Variants in ADAMTSL3 observed in about 807,000 individuals in gnomAD.
ADAMTSL3 encodes ADAMTS-like protein 3.
In ADAMTSL3, 128 loss-of-function variants were observed where a neutral mutation model predicts 201.7. That is an observed-to-expected ratio of 0.63 (90% CI 0.55 to 0.73). The LOEUF (loss-of-function observed/expected upper bound fraction) is 0.73, where lower values mean the gene tolerates loss of function less well. Ranked by LOEUF, ADAMTSL3 falls within the 30% of genes least tolerant of loss-of-function variation. The probability of loss-of-function intolerance (pLI) is 0.00; values close to 1 mark genes in which losing one functional copy is unlikely to be tolerated. For missense variants in ADAMTSL3, 1,990 were observed against 2,119.6 expected (o/e 0.94, Z 1.20); for synonymous variants, 738 against 748.4 (o/e 0.99, Z 0.23).
At chr15:83,688,795 CAT>C (rs1232544089) in intron 2 of ADAMTSL3, among the ~76,000 whole-genome samples, 9 of 146,564 alleles carry the variant, frequency 6.1e-5, no homozygotes, top group African/African-American at 2.3e-4. Flanking sequence ...CACACACACA[CAT>C]GCCTGATTTA....
At position 83,826,970 on chromosome 15, in the gene ADAMTSL3, T is replaced by A. The variant is rs1175235564; in HGVS notation, c.600+6923T>A. 2.0e-5 allele frequency among the ~76,000 whole-genome samples: 3 copies of A among 152,210 alleles called. No individual in the cohort carries two copies. The East Asian group carries it at 5.8e-4, about 29-fold the overall frequency. The stretch of plus-strand genomic sequence containing the variant: ...TTTGTGAATAGTGCCGTAATAAACA[T>A]ACGTGTGCCTGTGTCTTTATAGCAG... On this transcript the variant is annotated intron_variant, in intron 6 of 29. Coordinates refer to ENST00000286744, the MANE Select transcript of ADAMTSL3 (RefSeq NM_207517.3).
chr15:83,680,509 T>A (rs1257856497), intron 2 of ADAMTSL3, among the ~76,000 whole-genome samples: 2 of 131,264 alleles, frequency 1.5e-5, no homozygotes, highest in Non-Finnish European at 3.3e-5. Context: ...ACACCTTAGT[T>A]GTTGTTTTTT....
At chr15:84,000,075 C>T (rs73443183) in intron 23 of ADAMTSL3, among the ~76,000 whole-genome samples, 3,296 of 150,728 alleles carry the variant, frequency 0.022, 113 homozygotes, top group African/African-American at 0.077. Flanking sequence ...AAAAAAAGAA[C>T]TATCTCTCCA....
Position 83,903,921 on chromosome 15 carries a change from A to G in ADAMTSL3, c.1700+4190A>G, listed in dbSNP as rs1408368183. The stretch of plus-strand genomic sequence containing the variant: ...TGACAGTGCCAGACTCCACATCAAA[A>G]AAAAAAAAAAAAAAAAAAAAAAAGA... On this transcript the variant is annotated intron_variant, in intron 15 of 29. Transcript: ENST00000286744. Among the ~76,000 whole-genome samples the G allele has an allele frequency of 8.1e-3, 220 of 27,102 alleles. 3 individuals are homozygous for G. Among genetic ancestry groups the G allele is most frequent in the East Asian group, 0.051 (27 of 534 alleles). 17.8% of individuals were successfully genotyped at this position (27,102 alleles called of 152,430 possible).
In ADAMTSL3 at chr15:83,885,091, C is replaced by T. The variant is rs780807005; in HGVS notation, c.961-10C>T. 1 of 1,602,486 alleles carries T rather than the reference C, an allele frequency of 6.2e-7. No individual in the cohort carries two copies. Among genetic ancestry groups the T allele is most frequent in the Non-Finnish European group, 8.5e-7 (1 of 1,170,626 alleles). ...TTTGCACGTGTGTTCTCACAGTTCTCTTTGTCCAGACCAGGTACACTGCAG... is the reference window on the plus strand; with the variant it reads ...TTTGCACGTGTGTTCTCACAGTTCTTTTTGTCCAGACCAGGTACACTGCAG... On this transcript the variant is annotated splice_polypyrimidine_tract_variant and intron_variant, in intron 9 of 29. Transcript: ENST00000286744.
At chr15:83,687,420 C>T (rs553414516) in intron 2 of ADAMTSL3, among the ~76,000 whole-genome samples, 1 of 152,168 alleles carries the variant, frequency 6.6e-6, no homozygotes, top group Admixed American at 6.5e-5. Flanking sequence ...AGACTAGCTG[C>T]ATTTAGAATG....
At chr15:84,023,635 G>A (rs544315287) in intron 26 of ADAMTSL3, among the ~76,000 whole-genome samples, 1 of 152,292 alleles carries the variant, frequency 6.6e-6, no homozygotes, top group South Asian at 2.1e-4. Flanking sequence ...CTGTTTTATG[G>A]CATTTCTTGA....
At chr15:83,668,672 G>A (rs2061282828) in intron 2 of ADAMTSL3, among the ~76,000 whole-genome samples, 1 of 151,986 alleles carries the variant, frequency 6.6e-6, no homozygotes, top group East Asian at 1.9e-4. Context: ...AGATCAAGTT[G>A]TCCATAATGT....
At chr15:83,656,717 A>G (rs754593096) in intron 2 of ADAMTSL3, among the ~76,000 whole-genome samples, 4 of 151,440 alleles carry the variant, frequency 2.6e-5, no homozygotes, top group Non-Finnish European at 4.4e-5. Context: ...GAACAAGGCA[A>G]TCCCTCCCTG....
intron 23 of ADAMTSL3, among the ~76,000 whole-genome samples, chr15:84,002,209 A>C (rs2067803019): frequency 6.6e-6 from 1 of 152,186 alleles, no homozygotes; most frequent in Non-Finnish European, 1.5e-5. Flanking sequence ...GCAATACGAA[A>C]AAACAGGAGG....
Position 84,021,570 on chromosome 15 carries a change from T to C in ADAMTSL3, c.4434T>C (p.Cys1478=). 4 of 1,614,206 alleles carry C rather than the reference T, an allele frequency of 2.5e-6. No individual in the cohort carries two copies. Among genetic ancestry groups the C allele is most frequent in the Non-Finnish European group, 3.4e-6 (4 of 1,180,022 alleles). ...AGCCACTGGCTGGGTTTGAGCCCTGTAACATCCGGGACTGCCCAGCGAGGT... is the reference window on the plus strand; with the variant it reads ...AGCCACTGGCTGGGTTTGAGCCCTGCAACATCCGGGACTGCCCAGCGAGGT... ...LQKPLAGFEP[C]NIRDCPARWF... Residue 1478 remains cysteine (C), a synonymous_variant, in exon 26 of 30, where the codon TGT becomes TGC. Transcript: ENST00000286744.
chr15:83,860,624 T>A (rs1249355508), intron 8 of ADAMTSL3, among the ~76,000 whole-genome samples: 1 of 152,174 alleles, frequency 6.6e-6, no homozygotes, highest in East Asian at 1.9e-4. Flanking sequence ...CCAAAACTAG[T>A]TTTATAAATT....
At chr15:83,817,328 A>C (rs1385023059) in intron 5 of ADAMTSL3, among the ~76,000 whole-genome samples, 1 of 152,226 alleles carries the variant, frequency 6.6e-6, no homozygotes, top group Non-Finnish European at 1.5e-5. Flanking sequence ...GAAAAGCTAG[A>C]TTTCTAACTT....
At chr15:83,811,405 T>C (rs1473484547) in intron 5 of ADAMTSL3, among the ~76,000 whole-genome samples, 1 of 152,230 alleles carries the variant, frequency 6.6e-6, no homozygotes, top group Non-Finnish European at 1.5e-5. Flanking sequence ...TTTTGGGATC[T>C]CATTCTAGAG....
At chr15:84,017,755 A>T (rs1432868291) in intron 25 of ADAMTSL3, among the ~76,000 whole-genome samples, 1 of 152,220 alleles carries the variant, frequency 6.6e-6, no homozygotes, top group East Asian at 1.9e-4. Flanking sequence ...ATATCCATTT[A>T]TTGGACATTC....
At chr15:83,825,474 G>A (rs138890501) in intron 6 of ADAMTSL3, among the ~76,000 whole-genome samples, 1 of 152,210 alleles carries the variant, frequency 6.6e-6, no homozygotes, top group East Asian at 1.9e-4. Flanking sequence ...TTAGCTGGGT[G>A]TGTTGGCGCA....
At chr15:83,987,251 T>G (rs1031248836) in intron 21 of ADAMTSL3, among the ~76,000 whole-genome samples, 11 of 152,248 alleles carry the variant, frequency 7.2e-5, no homozygotes, top group Non-Finnish European at 1.5e-4. Flanking sequence ...TCTGAGACAC[T>G]TTCGCTGTTT....
intron 27 of ADAMTSL3, among the ~76,000 whole-genome samples, chr15:84,030,822 GTGGAGGCAGT>G (rs1386901307): frequency 2.0e-5 from 3 of 152,160 alleles, no homozygotes; most frequent in Non-Finnish European, 4.4e-5. Flanking sequence ...GAGAGACCAG[GTGGAGGCAGT>G]TGGATCATGG....
chr15:83,678,723 AAT>A (rs1331605132), intron 2 of ADAMTSL3, among the ~76,000 whole-genome samples: 5 of 143,348 alleles, frequency 3.5e-5, no homozygotes, highest in African/African-American at 1.3e-4. Context: ...TATTTTAGGC[AAT>A]ATATATATTG....
Sources: gnomAD v4.1 joint callset for allele counts (sites outside exome capture counted in the v4.1 genomes callset) on GRCh38, gnomAD v4.1.1 for gene constraint, MANE v1.5 for transcripts, NCBI Gene and HGNC (gene_info 2026-07-23, HGNC 2026-07-21) for gene names.